The following SERINC5 variants were observed in gnomAD, a reference collection of about 807,000 sequenced individuals.
SERINC5 encodes the protein serine incorporator 5, also known as chromosome 5 open reading frame 12.
In SERINC5, 41 loss-of-function variants were observed where a neutral mutation model predicts 63.1. That is an observed-to-expected ratio of 0.65 (90% CI 0.51 to 0.84). The LOEUF (loss-of-function observed/expected upper bound fraction) is 0.84. Ranked by LOEUF, SERINC5 falls within the 40% of genes least tolerant of loss-of-function variation. The probability of loss-of-function intolerance (pLI) is 0.00; values close to 1 mark genes in which losing one functional copy is unlikely to be tolerated. For synonymous variants in SERINC5, 222 were observed against 215.2 expected (o/e 1.03, Z -0.28); for missense variants, 523 against 573.0 (o/e 0.91, Z 0.89).
intron 1 of SERINC5, among the ~76,000 whole-genome samples, chr5:80,207,110 T>G (rs1179801535): frequency 6.6e-6 from 1 of 152,102 alleles, no homozygotes; most frequent in Non-Finnish European, 1.5e-5. Flanking sequence ...ACCATTCTCC[T>G]GCCTCAGCCT....
At chr5:80,151,636 A>G (rs997063552) in intron 8 of SERINC5, among the ~76,000 whole-genome samples, 7 of 152,218 alleles carry the variant, frequency 4.6e-5, no homozygotes, top group African/African-American at 1.7e-4. Flanking sequence ...GCAACATAGC[A>G]AGACCTCATC....
intron 7 of SERINC5, among the ~76,000 whole-genome samples, chr5:80,161,046 A>G (rs115835842): frequency 0.089 from 12,573 of 140,902 alleles, 1,811 homozygotes; most frequent in African/African-American, 0.32. Flanking sequence ...GTATATATAT[A>G]TATGTATGTA....
At chr5:80,229,052 G>GGGGGGGA (rs1307981763) in intron 1 of SERINC5, among the ~76,000 whole-genome samples, 1 of 64,770 alleles carries the variant, frequency 1.5e-5, no homozygotes, top group Non-Finnish European at 2.8e-5. Context: ...TTTTTTTTTG[G>GGGGGGGA]GGATGGAGTT....
chr5:80,201,275 G>A (rs1749820742), intron 2 of SERINC5, among the ~76,000 whole-genome samples: 2 of 152,212 alleles, frequency 1.3e-5, no homozygotes, highest in South Asian at 4.1e-4. Context: ...GTTCAGCTGG[G>A]AAGATGCAGT....
At chr5:80,249,639 C>T (rs1319533957) in intron 1 of SERINC5, among the ~76,000 whole-genome samples, 1 of 151,860 alleles carries the variant, frequency 6.6e-6, no homozygotes, top group East Asian at 2.0e-4. Context: ...CCCATCTCTA[C>T]TAAAAACACA....
intron 1 of SERINC5, among the ~76,000 whole-genome samples, chr5:80,230,968 A>C (rs1228713941): frequency 6.6e-6 from 1 of 150,730 alleles, no homozygotes; most frequent in African/African-American, 2.5e-5. Context: ...GCACACTACC[A>C]ACCTGGCTAA....
chr5:80,146,152 G>A lies in SERINC5; in HGVS notation c.1176C>T (p.Tyr392=). The A allele has an allele frequency of 6.2e-7, 1 of 1,614,056 alleles. No individual in the cohort carries two copies. Among genetic ancestry groups the A allele is most frequent in the Non-Finnish European group, 8.5e-7 (1 of 1,179,870 alleles). Residue 392 remains tyrosine (Y), a synonymous_variant, in exon 11 of 12, where the codon TAC becomes TAT. Transcript: ENST00000507668. ...EKKGTVYIYS[Y]FHFVFFLASL... The stretch of plus-strand genomic sequence containing the variant: ...AAGCTAGGAAGAACACGAAGTGGAA[G>A]TAGGAGTAGATGTAGACGGTGCCTT...
At chr5:80,125,104 C>T (rs1486414519) in intron 11 of SERINC5, among the ~76,000 whole-genome samples, 4 of 152,166 alleles carry the variant, frequency 2.6e-5, no homozygotes, top group African/African-American at 9.7e-5. Flanking sequence ...GTCTAGTGAG[C>T]GATTTTTCTT....
intron 1 of SERINC5, among the ~76,000 whole-genome samples, chr5:80,205,852 G>A (rs1416405059): frequency 6.6e-6 from 1 of 151,900 alleles, no homozygotes; most frequent in African/African-American, 2.4e-5. Flanking sequence ...CGGATCGTGA[G>A]GTCAGGAGAT....
chr5:80,238,103 C>CAAAAAAAAAAA (rs759062486), intron 1 of SERINC5, among the ~76,000 whole-genome samples: 3 of 65,670 alleles, frequency 4.6e-5, no homozygotes, highest in East Asian at 4.3e-4. Context: ...GACTCTGTCT[C>CAAAAAAAAAAA]AAAAAAAAAA....
chr5:80,204,393 A>C (rs1197492774), intron 1 of SERINC5, among the ~76,000 whole-genome samples: 2 of 152,196 alleles, frequency 1.3e-5, no homozygotes, highest in African/African-American at 4.8e-5. Context: ...TGGGATGCCC[A>C]GTTGGTGTCC....
chr5:80,176,994 C>G (rs1441301341), intron 4 of SERINC5, among the ~76,000 whole-genome samples: 1 of 152,180 alleles, frequency 6.6e-6, no homozygotes, highest in African/African-American at 2.4e-5. Context: ...ATCGCTGCAG[C>G]AGACATTTAG....
chr5:80,131,633 T>C (rs1173061866), intron 11 of SERINC5, among the ~76,000 whole-genome samples: 1 of 152,180 alleles, frequency 6.6e-6, no homozygotes, highest in Non-Finnish European at 1.5e-5. Flanking sequence ...GGATAGGGAA[T>C]GGGTCATGCA....
intron 8 of SERINC5, chr5:80,157,080 C>G (rs908178440): frequency 6.6e-6 from 1 of 151,240 alleles, no homozygotes; most frequent in African/African-American, 2.4e-5. Context: ...GCAACCTCCC[C>G]CTCCTGGGTT....
rs1350139913 is a variant in SERINC5, at chr5:80,150,040, T to G, written c.1053+842A>C. On this transcript the variant is annotated intron_variant, in intron 9 of 11. Coordinates refer to ENST00000507668, the MANE Select transcript of SERINC5 (RefSeq NM_001174072.3). ...AATGTATGTATTGTCCATAACACTCTACCTGACAAAACGCCCACCTGATGG... is the reference window on the plus strand; with the variant it reads ...AATGTATGTATTGTCCATAACACTCGACCTGACAAAACGCCCACCTGATGG... Among the ~76,000 whole-genome samples the G allele has an allele frequency of 2.6e-5, 4 of 152,212 alleles. 1 individual carries two copies. Among genetic ancestry groups the G allele is most frequent in the Admixed American group, 2.0e-4 (3 of 15,282 alleles).
intron 2 of SERINC5, among the ~76,000 whole-genome samples, chr5:80,193,003 C>A (rs1196818462): frequency 6.6e-6 from 1 of 152,214 alleles, no homozygotes; most frequent in Non-Finnish European, 1.5e-5. Context: ...TGCCAAACTG[C>A]TCTCTTTTCC....
chr5:80,135,678 C>T (rs1427516307), downstream of SERINC5, among the ~76,000 whole-genome samples: 2 of 151,952 alleles, frequency 1.3e-5, no homozygotes, highest in Non-Finnish European at 2.9e-5. Flanking sequence ...CCCATGACTT[C>T]GAAAAGCAGT....
intron 1 of SERINC5, among the ~76,000 whole-genome samples, chr5:80,214,708 C>G (rs1184118651): frequency 1.3e-5 from 2 of 152,080 alleles, no homozygotes; most frequent in African/African-American, 2.4e-5. Context: ...ACCAGACTGA[C>G]CAACATGGTG....
At chr5:80,239,901 T>C (rs535237135) in intron 1 of SERINC5, among the ~76,000 whole-genome samples, 1 of 152,252 alleles carries the variant, frequency 6.6e-6, no homozygotes, top group Admixed American at 6.5e-5. Context: ...AGAAGACCCT[T>C]CCAGCGCCAA....
Sources: gnomAD v4.1 joint callset for allele counts (sites outside exome capture counted in the v4.1 genomes callset) on GRCh38, gnomAD v4.1.1 for gene constraint, MANE v1.5 for transcripts, NCBI Gene and HGNC (gene_info 2026-07-23, HGNC 2026-07-21) for gene names.